EML6: variants seen among roughly 807,000 people sequenced by gnomAD.
EML6 encodes the protein EMAP like 6.
EML6 carries 154 observed loss-of-function variants against 240.1 expected under a neutral mutation model. The ratio of observed to expected loss-of-function variants is 0.64; its 90% confidence interval spans 0.56 to 0.73. The LOEUF (loss-of-function observed/expected upper bound fraction) is 0.73. Ranked by LOEUF, EML6 falls within the 30% of genes least tolerant of loss-of-function variation. The pLI is 0.00. For synonymous variants in EML6, 1,148 were observed against 899.0 expected (o/e 1.28, Z -4.95); for missense variants, 2,964 against 2,474.6 (o/e 1.20, Z -4.20).
intron 4 of EML6, among the ~76,000 whole-genome samples, chr2:54,819,036 A>T (rs1043216217): frequency 6.6e-6 from 1 of 152,232 alleles, no homozygotes; most frequent in Non-Finnish European, 1.5e-5. Flanking sequence ...GGTATTATCC[A>T]CGTAGAGAAG....
chr2:54,874,735 C>A (rs1396576973), intron 16 of EML6, among the ~76,000 whole-genome samples: 23 of 152,188 alleles, frequency 1.5e-4, no homozygotes, highest in Non-Finnish European at 4.4e-5. Flanking sequence ...GTGTGGGGAC[C>A]TGTGGTGACT....
At chr2:54,943,671 C>G (rs1443600281) in intron 28 of EML6, among the ~76,000 whole-genome samples, 1 of 152,136 alleles carries the variant, frequency 6.6e-6, no homozygotes, top group Non-Finnish European at 1.5e-5. Flanking sequence ...TCTAGAGTAG[C>G]ATTGTCCAGT....
Position 54,960,251 on chromosome 2 carries a change from G to A in EML6, c.4885G>A (p.Asp1629Asn). Reference protein sequence around the residue: ...TKEGGAVKLWDQEMKRCRAFQ... With the variant: ...TKEGGAVKLWNQEMKRCRAFQ... Reference sequence around the variant, plus strand: ...AGAAGGAGGTGCTGTAAAATTGTGGGACCAGGAGATGAAGCGCTGCCGGGC... The same window carrying A: ...AGAAGGAGGTGCTGTAAAATTGTGGAACCAGGAGATGAAGCGCTGCCGGGC... The change falls in exon 35 of 42, where the codon GAC becomes AAC. Residue 1629 changes from aspartate to asparagine, a missense_variant. Transcript: ENST00000356458. 1.3e-6 allele frequency: 2 copies of A among 1,551,566 alleles called. No individual in the cohort carries two copies. The highest frequency in any genetic ancestry group is 8.7e-7 in the Non-Finnish European group (1 of 1,146,952).
chr2:54,816,673 C>G, intron 3 of EML6, 114 bp from the exon 4 acceptor site: 1 of 781,830 alleles, frequency 1.3e-6, no homozygotes, highest in Non-Finnish European at 2.1e-6. Flanking sequence ...TTTGAGAAAT[C>G]GGTTTGTTAT....
chr2:54,957,907 T>C lies in EML6; in HGVS notation c.4604T>C (p.Leu1535Pro). 1 of 1,551,660 alleles carries C rather than the reference T, an allele frequency of 6.4e-7. No homozygotes were observed. Among genetic ancestry groups the C allele is most frequent in the Non-Finnish European group, 8.7e-7 (1 of 1,147,000 alleles). The change falls in exon 33 of 42, where the codon CTG becomes CCG. Residue 1535 changes from leucine to proline, a missense_variant. Physicochemically the swap from Leu to Pro is moderately conservative, Grantham distance 98 (BLOSUM62 -3). Coordinates refer to ENST00000356458, the MANE Select transcript of EML6 (RefSeq NM_001039753.4). ...VGVKHMKFWT[L>P]AGSALLYKKG... is the part of the protein sequence containing the mutation. ...GTCAAACATATGAAGTTCTGGACCC[T>C]GGCAGGCAGCGCCTTGCTTTACAAG...
intron 32 of EML6, among the ~76,000 whole-genome samples, chr2:54,956,763 A>C (rs1676253994): frequency 6.6e-6 from 1 of 152,246 alleles, no homozygotes; most frequent in East Asian, 1.9e-4. Context: ...CGAAGTGATG[A>C]GAACGAAGAA....
chr2:54,791,936 T>G (rs953565477), intron 2 of EML6, among the ~76,000 whole-genome samples: 8 of 152,184 alleles, frequency 5.3e-5, no homozygotes, highest in African/African-American at 1.9e-4. Flanking sequence ...GAGTAACATG[T>G]CTTGTTTGAC....
At chr2:54,866,980 G>C in intron 14 of EML6, 96 bp downstream of exon 14, 1 of 656,276 alleles carries the variant, frequency 1.5e-6, no homozygotes. Context: ...CCTCCCCTCA[G>C]TGTCGTCCTC....
intron 2 of EML6, among the ~76,000 whole-genome samples, chr2:54,812,324 A>G (rs1199582180): frequency 1.9e-4 from 7 of 36,012 alleles, no homozygotes; most frequent in Non-Finnish European, 3.5e-4. Context: ...CAAACACTGA[A>G]AAAAAAAAAA....
In EML6 at chr2:54,743,579, A is replaced by G. The variant is rs572583409; in HGVS notation, c.197+18321A>G. Among the ~76,000 whole-genome samples the G allele has an allele frequency of 7.2e-5, 11 of 152,338 alleles. 1 individual carries two copies. The highest frequency in any genetic ancestry group is 2.6e-4 in the African/African-American group (11 of 41,568). On this transcript the variant is annotated intron_variant, in intron 2 of 41. Coordinates refer to ENST00000356458, the MANE Select transcript of EML6 (RefSeq NM_001039753.4). ...ACTCCAAAGCCATGTTCTTTCTATT[A>G]CATGGGAACTCATAAACCAGGAGAG...
At chr2:54,787,628 T>C (rs1011278261) in intron 2 of EML6, among the ~76,000 whole-genome samples, 4 of 152,234 alleles carry the variant, frequency 2.6e-5, no homozygotes, top group African/African-American at 9.6e-5. Context: ...GATTAATAAA[T>C]GCTTATGGAA....
intron 13 of EML6, among the ~76,000 whole-genome samples, chr2:54,864,369 G>T (rs952670918): frequency 6.6e-6 from 1 of 152,144 alleles, no homozygotes; most frequent in Non-Finnish European, 1.5e-5. Flanking sequence ...TAAAGTAAAA[G>T]CTCAAATAAA....
chr2:54,959,429 C>CA (rs1457662019), intron 34 of EML6, among the ~76,000 whole-genome samples, 168 bp downstream of exon 34: 2 of 152,198 alleles, frequency 1.3e-5, no homozygotes, highest in Non-Finnish European at 2.9e-5. Context: ...TCAAGATCCT[C>CA]ACAAGGAAGA....
chr2:54,812,992 C>A (rs546225730), intron 2 of EML6, among the ~76,000 whole-genome samples: 67 of 152,212 alleles, frequency 4.4e-4, no homozygotes, highest in African/African-American at 1.4e-3. Context: ...ACAACAGCAC[C>A]TAATTTTCAA....
Position 54,844,183 on chromosome 2 carries a change from C to T in EML6, c.984C>T (p.Leu328=), listed in dbSNP as rs551335770. ...LILQGHCEGE[L]WALALHPKKP... ...TACAGGGCCACTGCGAGGGTGAGCT[C>T]TGGGCTCTGGCCCTGCACCCCAAGA... The change falls in exon 8 of 42, where the codon CTC becomes CTT. Residue 328 remains leucine, a synonymous_variant. Transcript: ENST00000356458. 21 of 1,551,710 alleles carry T rather than the reference C, an allele frequency of 1.4e-5. No individual in the cohort carries two copies. The South Asian group carries it at 1.7e-4, about 12-fold the overall frequency.
intron 7 of EML6, among the ~76,000 whole-genome samples, chr2:54,831,723 G>A (rs2104199490): frequency 6.6e-6 from 1 of 152,274 alleles, no homozygotes; most frequent in African/African-American, 2.4e-5. Context: ...TTTGTAGGGA[G>A]AAACAGATTG....
chr2:54,820,542 A>G (rs1013881988), intron 5 of EML6, 80 bp downstream of exon 5: 1 of 801,368 alleles, frequency 1.2e-6, no homozygotes, highest in African/African-American at 1.8e-5. Context: ...TGATGTTGAG[A>G]GACTGCTAGA....
chr2:54,956,515 T>C (rs1676239952), intron 32 of EML6, among the ~76,000 whole-genome samples: 1 of 152,212 alleles, frequency 6.6e-6, no homozygotes, highest in Non-Finnish European at 1.5e-5. Context: ...TTGTTTATGG[T>C]ATCCTTGGAG....
chr2:54,863,932 G>T, intron 13 of EML6, 43 bp downstream of exon 13: 1 of 1,061,780 alleles, frequency 9.4e-7, no homozygotes, highest in Non-Finnish European at 1.4e-6. Flanking sequence ...CCCCAGAAGG[G>T]GATCTCATTC....
Sources: gnomAD v4.1 joint callset for allele counts (sites outside exome capture counted in the v4.1 genomes callset) on GRCh38, gnomAD v4.1.1 for gene constraint, MANE v1.5 for transcripts, NCBI Gene and HGNC (gene_info 2026-07-23, HGNC 2026-07-21) for gene names.